The following CFAP43 variants were observed in gnomAD, a reference collection of about 807,000 sequenced individuals.
CFAP43 encodes cilia and flagella associated protein 43, also known as cilia- and flagella-associated protein 43.
A neutral mutation model predicts 218.9 loss-of-function variants in CFAP43; 155 were observed. That is an observed-to-expected ratio of 0.71 (90% CI 0.62 to 0.81). The LOEUF (loss-of-function observed/expected upper bound fraction) is 0.81, where lower values mean the gene tolerates loss of function less well. Ranked by LOEUF, CFAP43 falls within the 30% of genes least tolerant of loss-of-function variation. The pLI, the probability that CFAP43 is intolerant of heterozygous loss-of-function variation, is 0.00. For synonymous variants in CFAP43, 645 were observed against 681.3 expected (o/e 0.95, Z 0.83); for missense variants, 1,778 against 1,954.3 (o/e 0.91, Z 1.70).
intron 32 of CFAP43, 79 bp from the exon 33 acceptor site, chr10:104,142,472 A>C (rs1396556592): frequency 1.8e-6 from 2 of 1,081,472 alleles, no homozygotes. Context: ...AACTTTTTAA[A>C]TTTAAAAACC....
At chr10:104,167,447 T>C in intron 22 of CFAP43, 174 bp downstream of exon 22, 1 of 405,434 alleles carries the variant, frequency 2.5e-6, no homozygotes, top group Admixed American at 4.1e-5. Flanking sequence ...TGATTTATTG[T>C]GTGGATATAG....
chr10:104,144,938 T>C (rs528324844), intron 31 of CFAP43, among the ~76,000 whole-genome samples: 2 of 152,222 alleles, frequency 1.3e-5, no homozygotes, highest in Non-Finnish European at 2.9e-5. Context: ...GAAAAGCAAT[T>C]TGTGGTCAAA....
intron 20 of CFAP43, among the ~76,000 whole-genome samples, chr10:104,170,458 G>C (rs2089362370): frequency 2.0e-5 from 3 of 152,114 alleles, no homozygotes; most frequent in African/African-American, 2.4e-5. Flanking sequence ...GAGAAGCAAA[G>C]ATACAGTGAG....
At chr10:104,184,247 C>T (rs2134884315) in intron 16 of CFAP43, among the ~76,000 whole-genome samples, 2 of 152,214 alleles carry the variant, frequency 1.3e-5, no homozygotes, top group Middle Eastern at 6.8e-3. Flanking sequence ...GATAATAGTA[C>T]CTCCCTAAAA....
At chr10:104,133,808 C>A in intron 34 of CFAP43, 24 bp from the exon 35 acceptor site, 1 of 1,559,022 alleles carries the variant, frequency 6.4e-7, no homozygotes, top group Non-Finnish European at 8.7e-7. Flanking sequence ...CATTAGATAT[C>A]CATATAATAT....
At chr10:104,186,776 G>T (rs926645607) in intron 14 of CFAP43, among the ~76,000 whole-genome samples, 34 of 152,146 alleles carry the variant, frequency 2.2e-4, no homozygotes, top group Non-Finnish European at 4.1e-4. Context: ...GAGGAAGGAA[G>T]GCAGACCTTA....
intron 27 of CFAP43, among the ~76,000 whole-genome samples, chr10:104,154,893 G>A (rs2088457468): frequency 6.6e-6 from 1 of 152,170 alleles, no homozygotes; most frequent in Non-Finnish European, 1.5e-5. Context: ...TCTCAAGGAA[G>A]AGTTCCTTGG....
chr10:104,130,233 TTTG>T lies in CFAP43; in HGVS notation c.4901_4903del (p.Thr1634del). The stretch of plus-strand genomic sequence containing the variant: ...CTGTTCAGCTTGTTGTTTTGAAATA[TTTG>T]TTAACTTCTGCTGTTGCATCATGTT... On this transcript the variant is annotated inframe_deletion, in exon 38 of 38. Coordinates refer to ENST00000357060, the MANE Select transcript of CFAP43 (RefSeq NM_025145.7). 4.3e-6 allele frequency: 7 copies of T among 1,613,464 alleles called. No homozygotes were observed. Among genetic ancestry groups the T allele is most frequent in the Non-Finnish European group, 5.9e-6 (7 of 1,179,896 alleles).
At chr10:104,170,721 A>G (rs888640476) in intron 20 of CFAP43, among the ~76,000 whole-genome samples, 1 of 152,174 alleles carries the variant, frequency 6.6e-6, no homozygotes, top group African/African-American at 2.4e-5. Context: ...CAAAATAAAT[A>G]ACATTTAAAA....
At chr10:104,164,454 G>T in intron 23 of CFAP43, among the ~76,000 whole-genome samples, 154 bp from the exon 24 acceptor site, 1 of 149,750 alleles carries the variant, frequency 6.7e-6, no homozygotes. Context: ...CTGGAGTGCA[G>T]TGGCATGATC....
At chr10:104,166,006 G>A (rs2089132675) in intron 23 of CFAP43, among the ~76,000 whole-genome samples, 1 of 152,184 alleles carries the variant, frequency 6.6e-6, no homozygotes, top group African/African-American at 2.4e-5. Flanking sequence ...CGCAACTCTT[G>A]TACACAAGAT....
At chr10:104,185,613 C>G (rs2090004882) in intron 15 of CFAP43, among the ~76,000 whole-genome samples, 1 of 152,070 alleles carries the variant, frequency 6.6e-6, no homozygotes, top group African/African-American at 2.4e-5. Context: ...CTAACTAAGC[C>G]AGTTTGATTA....
At chr10:104,149,222 A>G (rs1373061994) in intron 28 of CFAP43, among the ~76,000 whole-genome samples, 2 of 152,158 alleles carry the variant, frequency 1.3e-5, no homozygotes, top group African/African-American at 2.4e-5. Flanking sequence ...TAACAAGACT[A>G]TAGGTGGTAT....
intron 2 of CFAP43, among the ~76,000 whole-genome samples, chr10:104,229,520 C>T (rs111342801): frequency 0.012 from 1,725 of 149,780 alleles, 26 homozygotes; most frequent in African/African-American, 0.036. Context: ...AAAAAAAAGC[C>T]GAGCATGGTG....
chr10:104,205,847 A>C (rs2090671781), intron 7 of CFAP43, 116 bp downstream of exon 7: 2 of 845,320 alleles, frequency 2.4e-6, no homozygotes, highest in African/African-American at 1.7e-5. Context: ...AAACCATTTT[A>C]ATTAATAATG....
intron 8 of CFAP43, among the ~76,000 whole-genome samples, chr10:104,201,732 C>T (rs946807473): frequency 2.0e-5 from 3 of 151,580 alleles, no homozygotes; most frequent in Admixed American, 2.0e-4. Flanking sequence ...ACATCTTCTA[C>T]AATGTGTCAT....
intron 28 of CFAP43, 22 bp downstream of exon 28, chr10:104,152,585 C>A: frequency 6.2e-7 from 1 of 1,611,844 alleles, no homozygotes; most frequent in Middle Eastern, 1.7e-4. Context: ...TTAAAAGTCA[C>A]ATAAGTAAAG....
At chr10:104,170,271 G>T (rs1475919771) in intron 20 of CFAP43, among the ~76,000 whole-genome samples, 1 of 152,130 alleles carries the variant, frequency 6.6e-6, no homozygotes, top group African/African-American at 2.4e-5. Context: ...CTGCCTCAGA[G>T]GATCAAGGAG....
chr10:104,162,527 C>A (rs12253189), intron 24 of CFAP43, 124 bp from the exon 25 acceptor site: 3 of 776,956 alleles, frequency 3.9e-6, no homozygotes, highest in South Asian at 3.1e-5. Flanking sequence ...AGACTTTGCA[C>A]CCAATTTTCT....
Sources: allele counts gnomAD v4.1 joint callset (sites outside exome capture counted in the v4.1 genomes callset), GRCh38; gene constraint gnomAD v4.1.1; transcripts MANE v1.5; gene names NCBI Gene and HGNC (gene_info 2026-07-23, HGNC 2026-07-21).